The following PAPPA2 variants were observed in gnomAD, a reference collection of about 807,000 sequenced individuals.
The protein encoded by PAPPA2 is pappalysin-2.
A neutral mutation model predicts 176.4 loss-of-function variants in PAPPA2; 86 were observed. That is an observed-to-expected ratio of 0.49 (90% CI 0.41 to 0.58). The LOEUF (loss-of-function observed/expected upper bound fraction) is 0.58. Among genes scored for constraint, PAPPA2 ranks in the 20% least tolerant of loss-of-function variants. PAPPA2 has a pLI of 0.00. For missense variants in PAPPA2, 2,073 were observed against 2,256.9 expected (o/e 0.92, Z 1.65); for synonymous variants, 809 against 852.2 (o/e 0.95, Z 0.88).
At chr1:176,571,454 A>G (rs1156465138) in intron 2 of PAPPA2, among the ~76,000 whole-genome samples, 2 of 152,186 alleles carry the variant, frequency 1.3e-5, no homozygotes, top group Non-Finnish European at 2.9e-5. Context: ...ATAAATTAAT[A>G]CAAACTATGT....
intron 3 of PAPPA2, among the ~76,000 whole-genome samples, chr1:176,619,046 G>A (rs901832810): frequency 4.6e-5 from 7 of 152,066 alleles, no homozygotes; most frequent in Admixed American, 3.3e-4. Context: ...AAGGGGGTAT[G>A]GCTACTAATA....
chr1:176,629,906 T>C (rs1404324171), intron 3 of PAPPA2, among the ~76,000 whole-genome samples: 1 of 152,032 alleles, frequency 6.6e-6, no homozygotes, highest in Non-Finnish European at 1.5e-5. Flanking sequence ...CTGAAAAATG[T>C]AAGATGTAAG....
intron 1 of PAPPA2, among the ~76,000 whole-genome samples, chr1:176,511,785 C>T (rs1338454228): frequency 6.6e-6 from 1 of 152,156 alleles, no homozygotes; most frequent in South Asian, 2.1e-4. Flanking sequence ...GACATTGGCA[C>T]TCCTGGTTCT....
intron 3 of PAPPA2, among the ~76,000 whole-genome samples, chr1:176,649,656 A>T (rs962963386): frequency 6.6e-6 from 1 of 151,398 alleles, no homozygotes; most frequent in Non-Finnish European, 1.5e-5. Flanking sequence ...TTCTTCATTG[A>T]TGTAATGGTC....
chr1:176,807,924 A>G (rs776535073), intron 21 of PAPPA2, among the ~76,000 whole-genome samples: 3 of 152,180 alleles, frequency 2.0e-5, no homozygotes, highest in Non-Finnish European at 4.4e-5. Context: ...GTCCTATAAG[A>G]TAAAGTAGAA....
At chr1:176,638,548 TA>T (rs1415125162) in intron 3 of PAPPA2, among the ~76,000 whole-genome samples, 1 of 152,008 alleles carries the variant, frequency 6.6e-6, no homozygotes, top group Non-Finnish European at 1.5e-5. Context: ...CCCCATTATT[TA>T]GGGAAACCGA....
chr1:176,554,656 G>A (rs1014925912), intron 1 of PAPPA2, among the ~76,000 whole-genome samples: 1 of 152,100 alleles, frequency 6.6e-6, no homozygotes, highest in African/African-American at 2.4e-5. Flanking sequence ...ACATCTCATT[G>A]TTTATTTGCT....
chr1:176,644,788 A>G (rs1265579683), intron 3 of PAPPA2, among the ~76,000 whole-genome samples: 4 of 151,836 alleles, frequency 2.6e-5, no homozygotes, highest in Admixed American at 1.3e-4. Flanking sequence ...ACCTTCCTGG[A>G]TAAGGTGACA....
At chr1:176,775,905 G>A (rs920697389) in intron 17 of PAPPA2, among the ~76,000 whole-genome samples, 10 of 152,136 alleles carry the variant, frequency 6.6e-5, no homozygotes, top group Non-Finnish European at 1.3e-4. Context: ...ACGTCTCTGA[G>A]ACTTTTTTAT....
In PAPPA2 at chr1:176,634,857, CATAGATACATAG is replaced by C. The variant is rs879502081; in HGVS notation, c.1992-36099_1992-36088del. On this transcript the variant is annotated intron_variant, in intron 3 of 22. Transcript: ENST00000367662. ...AGATAGATAGATAGATACATAGATA[CATAGATACATAG>C]ATAGATACATAGACACATAGATAGA... 4.8e-3 allele frequency among the ~76,000 whole-genome samples: 669 copies of C among 139,938 alleles called. 3 individuals are homozygous for C. Among genetic ancestry groups the C allele is most frequent in the African/African-American group, 0.015 (537 of 36,654 alleles). 91.8% of individuals were successfully genotyped at this position (139,938 alleles called of 152,430 possible).
At chr1:176,718,763 C>T (rs1558540335) in intron 12 of PAPPA2, among the ~76,000 whole-genome samples, 1 of 149,382 alleles carries the variant, frequency 6.7e-6, no homozygotes, top group African/African-American at 2.5e-5. Flanking sequence ...TTCTATATTT[C>T]AATTCTTTGA....
At chr1:176,630,461 TA>T (rs1656276289) in intron 3 of PAPPA2, among the ~76,000 whole-genome samples, 1 of 152,156 alleles carries the variant, frequency 6.6e-6, no homozygotes, top group Admixed American at 6.5e-5. Context: ...AAGGAACAGA[TA>T]ATGAGAACCT....
chr1:176,672,668 G>C (rs1007681875), intron 4 of PAPPA2, among the ~76,000 whole-genome samples: 1 of 152,038 alleles, frequency 6.6e-6, no homozygotes, highest in East Asian at 1.9e-4. Context: ...ATCCAAAAGG[G>C]TTATATATAC....
intron 21 of PAPPA2, among the ~76,000 whole-genome samples, chr1:176,832,805 A>G (rs1667128348): frequency 6.6e-6 from 1 of 151,950 alleles, no homozygotes; most frequent in African/African-American, 2.4e-5. Flanking sequence ...TTTCTCATCT[A>G]ATTTTTCTCA....
chr1:176,649,297 C>T (rs1275739371), intron 3 of PAPPA2, among the ~76,000 whole-genome samples: 1 of 150,518 alleles, frequency 6.6e-6, no homozygotes, highest in Non-Finnish European at 1.5e-5. Flanking sequence ...TTGCTGAATT[C>T]TTTTTTGTTT....
intron 1 of PAPPA2, among the ~76,000 whole-genome samples, chr1:176,487,893 A>C (rs566479608): frequency 6.6e-6 from 1 of 152,346 alleles, no homozygotes; most frequent in South Asian, 2.1e-4. Context: ...AAACTGAAAT[A>C]CTGAGTTAAG....
At chr1:176,691,148 G>A (rs1368896436) in intron 5 of PAPPA2, 6 of 984,632 alleles carry the variant, frequency 6.1e-6, no homozygotes, top group Non-Finnish European at 7.2e-6. Flanking sequence ...ATAGTGACTG[G>A]TTTCCTATAA....
intron 4 of PAPPA2, among the ~76,000 whole-genome samples, chr1:176,685,827 A>G (rs529289486): frequency 1.3e-5 from 2 of 152,326 alleles, no homozygotes; most frequent in South Asian, 4.1e-4. Context: ...ATTTTGGGCA[A>G]CACATCTTTA....
chr1:176,716,437 G>A (rs577111970), intron 12 of PAPPA2, among the ~76,000 whole-genome samples: 28 of 150,628 alleles, frequency 1.9e-4, no homozygotes, highest in African/African-American at 6.8e-4. Context: ...GTAGAGATGG[G>A]GTTTCACCAC....
Sources: allele counts gnomAD v4.1 joint callset (sites outside exome capture counted in the v4.1 genomes callset), GRCh38; gene constraint gnomAD v4.1.1; transcripts MANE v1.5; gene names NCBI Gene and HGNC (gene_info 2026-07-23, HGNC 2026-07-21).